Variants in PREX1 observed in about 807,000 individuals in gnomAD.
PREX1 encodes the protein phosphatidylinositol-3,4,5-trisphosphate dependent Rac exchange factor 1.
A neutral mutation model predicts 198.3 loss-of-function variants in PREX1; 41 were observed. That is an observed-to-expected ratio of 0.21 (90% confidence interval 0.16 to 0.27). The LOEUF (loss-of-function observed/expected upper bound fraction) is 0.27. PREX1 is among the 10% of genes least tolerant of loss of function. The pLI is 1.00. For missense variants in PREX1, 1,620 were observed against 2,200.7 expected (o/e 0.74, Z 5.28); for synonymous variants, 843 against 887.2 (o/e 0.95, Z 0.89).
At chr20:48,743,604 GGAA>G (rs750619658) in intron 3 of PREX1, among the ~76,000 whole-genome samples, 21 of 152,252 alleles carry the variant, frequency 1.4e-4, no homozygotes, top group Non-Finnish European at 2.8e-4. Flanking sequence ...TATGTGAATA[GGAA>G]GATAACGTCG....
intron 1 of PREX1, among the ~76,000 whole-genome samples, chr20:48,800,243 T>C (rs2090380411): frequency 2.0e-5 from 3 of 152,012 alleles, no homozygotes; most frequent in Admixed American, 6.5e-5. Flanking sequence ...GCAGGGCTAA[T>C]TCAAATGCAG....
chr20:48,856,220 C>T, the PREX1 span, among the ~76,000 whole-genome samples: 1 of 152,192 alleles, frequency 6.6e-6, no homozygotes, highest in Non-Finnish European at 1.5e-5. Context: ...TTCTTCTCTG[C>T]CAAACTAGGG....
intron 7 of PREX1, among the ~76,000 whole-genome samples, chr20:48,696,272 T>G (rs941667670): frequency 1.3e-5 from 2 of 152,256 alleles, no homozygotes; most frequent in African/African-American, 4.8e-5. Flanking sequence ...TTGATTTTTG[T>G]GTTTGGTATG....
At chr20:48,626,849 T>C (rs892281595) in intron 39 of PREX1, among the ~76,000 whole-genome samples, 1 of 152,186 alleles carries the variant, frequency 6.6e-6, no homozygotes, top group Non-Finnish European at 1.5e-5. Flanking sequence ...TTAAAACTTG[T>C]GGGCAGATGA....
In PREX1 at chr20:48,799,590, A is replaced by G. The variant is rs559014231; in HGVS notation, c.219+28052T>C. On this transcript the variant is annotated intron_variant, in intron 1 of 39. Transcript: ENST00000371941. ...CTCTGGGGCCCCAGTCTTATCCTAC[A>G]TGCATTTTGTTAATAATACAGCCAA... Among the ~76,000 whole-genome samples the G allele has an allele frequency of 3.3e-5, 5 of 152,256 alleles. No homozygotes were observed. In the South Asian group the frequency reaches 8.3e-4, roughly 25 times the overall value.
At chr20:48,637,811 G>C in intron 30 of PREX1, 59 bp from the exon 31 acceptor site, 1 of 1,476,178 alleles carries the variant, frequency 6.8e-7, no homozygotes, top group Admixed American at 1.8e-5. Context: ...CAAGAGGTGA[G>C]GGCAGAACCG....
chr20:48,816,155 C>G (rs2090458368), intron 1 of PREX1, among the ~76,000 whole-genome samples: 1 of 152,158 alleles, frequency 6.6e-6, no homozygotes. Context: ...TCAGAATGAG[C>G]CAGAATGAGG....
the PREX1 span, among the ~76,000 whole-genome samples, chr20:48,842,107 C>A: frequency 1.3e-5 from 2 of 151,858 alleles, no homozygotes; most frequent in Non-Finnish European, 2.9e-5. Flanking sequence ...TCAGCAGCAA[C>A]AACAAAAGCT....
intron 25 of PREX1, 69 bp downstream of exon 25, chr20:48,649,231 A>G (rs2122889375): frequency 6.4e-7 from 1 of 1,559,066 alleles, no homozygotes; most frequent in Non-Finnish European, 8.7e-7. Flanking sequence ...TGCTACCCAC[A>G]ATGTCAGTAA....
intron 3 of PREX1, among the ~76,000 whole-genome samples, chr20:48,741,004 G>A (rs2090079027): frequency 6.6e-6 from 1 of 152,078 alleles, no homozygotes; most frequent in African/African-American, 2.4e-5. Flanking sequence ...GTTTTGTTAA[G>A]TGAATCAATT....
chr20:48,678,519 C>T (rs1284987373), intron 13 of PREX1, among the ~76,000 whole-genome samples: 2 of 151,994 alleles, frequency 1.3e-5, no homozygotes, highest in Non-Finnish European at 2.9e-5. Context: ...GAGCTGATAT[C>T]GTTGGGTTGT....
intron 30 of PREX1, among the ~76,000 whole-genome samples, chr20:48,638,023 G>A (rs2089378678): frequency 6.6e-6 from 1 of 152,018 alleles, no homozygotes; most frequent in South Asian, 2.1e-4. Flanking sequence ...TTAATCCCTG[G>A]GCCACAGCCC....
chr20:48,658,324 G>A (rs1337173857), intron 16 of PREX1, 96 bp from the exon 17 acceptor site: 2 of 1,246,264 alleles, frequency 1.6e-6, no homozygotes, highest in African/African-American at 1.5e-5. Context: ...CTCGTCCCAG[G>A]TCTAGTAGGG....
intron 37 of PREX1, 47 bp from the exon 38 acceptor site, chr20:48,628,010 G>T: frequency 8.9e-7 from 1 of 1,120,838 alleles, no homozygotes. Flanking sequence ...GGGGGACAGG[G>T]GTCGGGGGAG....
intron 29 of PREX1, among the ~76,000 whole-genome samples, chr20:48,641,350 G>A (rs1225891968): frequency 6.6e-6 from 1 of 152,072 alleles, no homozygotes; most frequent in African/African-American, 2.4e-5. Context: ...TATCATTATG[G>A]TTTATCATCA....
chr20:48,653,400 C>G lies in PREX1; in HGVS notation c.2307G>C (p.Glu769Asp). 6.2e-7 allele frequency: 1 copy of G among 1,614,034 alleles called. No homozygotes were observed. Among genetic ancestry groups the G allele is most frequent in the South Asian group, 1.1e-5 (1 of 91,088 alleles). ...VMNDGAPEVL[E>D]HFQAFRSRRE... ...GCCGACTCCGGAATGCCTGGAAGTG[C>G]TCCAGGACCTCAGGGGCACCATCGT... is the stretch of plus-strand genomic sequence containing the variant. The change falls in exon 20 of 40, where the codon GAG becomes GAC. Residue 769 changes from glutamate (E) to aspartate (D), a missense_variant. By Grantham distance (45) the Glu-to-Asp change is conservative. Transcript: ENST00000371941.
intron 6 of PREX1, among the ~76,000 whole-genome samples, chr20:48,706,845 C>T (rs2089905716): frequency 6.6e-6 from 1 of 152,184 alleles, no homozygotes; most frequent in Admixed American, 6.5e-5. Flanking sequence ...GCTAGAGGAG[C>T]CAGGAATCCA....
At position 48,642,506 on chromosome 20, in the gene PREX1, G is replaced by A. The variant is rs899294399; in HGVS notation, c.3602-17C>T. 6.3e-7 allele frequency: 1 copy of A among 1,599,818 alleles called. No homozygotes were observed. The highest frequency in any genetic ancestry group is 8.5e-7 in the Non-Finnish European group (1 of 1,170,018). ...GCTCATCTCCTGGCAGGAGGTAGAAGCAGCAGCCATCAGTCATTCCTGCCC... is the reference window on the plus strand; with the variant it reads ...GCTCATCTCCTGGCAGGAGGTAGAAACAGCAGCCATCAGTCATTCCTGCCC... On this transcript the variant is annotated splice_polypyrimidine_tract_variant and intron_variant, in intron 27 of 39. Coordinates refer to ENST00000371941, the MANE Select transcript of PREX1 (RefSeq NM_020820.4).
intron 10 of PREX1, among the ~76,000 whole-genome samples, chr20:48,682,030 A>G (rs1479773419): frequency 6.6e-6 from 1 of 152,122 alleles, no homozygotes; most frequent in Non-Finnish European, 1.5e-5. Context: ...ACTCACAAAA[A>G]AAATCCCAAC....
Sources: allele counts gnomAD v4.1 joint callset (sites outside exome capture counted in the v4.1 genomes callset), GRCh38; gene constraint gnomAD v4.1.1; transcripts MANE v1.5; gene names NCBI Gene and HGNC (gene_info 2026-07-23, HGNC 2026-07-21).